Variants in FARP1 observed in about 807,000 individuals in gnomAD.
FARP1 encodes the protein FERM, ARHGEF and pleckstrin domain-containing protein 1.
A neutral mutation model predicts 128.8 loss-of-function variants in FARP1; 52 were observed. The observed-to-expected ratio is 0.40, with a 90% CI of 0.32 to 0.51. The LOEUF (loss-of-function observed/expected upper bound fraction) is 0.51. Ranked by LOEUF, FARP1 falls within the 20% of genes least tolerant of loss-of-function variation. The pLI is 0.45. For missense variants in FARP1, 1,333 were observed against 1,367.9 expected (o/e 0.97, Z 0.40); for synonymous variants, 580 against 551.8 (o/e 1.05, Z -0.72).
chr13:98,347,213 A>G (rs1290250430), intron 3 of FARP1, among the ~76,000 whole-genome samples: 1 of 152,234 alleles, frequency 6.6e-6, no homozygotes, highest in Non-Finnish European at 1.5e-5. Context: ...CAAAAGCATT[A>G]TTTATGGAAA....
rs1282493893 is a variant in FARP1, at chr13:98,267,971, A to C, written c.171+54558A>C. On this transcript the variant is annotated intron_variant, in intron 2 of 26. Coordinates refer to ENST00000319562, the MANE Select transcript of FARP1 (RefSeq NM_005766.4). ...TCTAAAATTGTGGTAGAGTACACAT[A>C]ACATACAATTTATCATCTTCACCAT... Among the ~76,000 whole-genome samples the C allele has an allele frequency of 3.3e-5, 5 of 152,360 alleles. No individual in the cohort carries two copies. The East Asian group carries it at 9.6e-4, about 29-fold the overall frequency.
chr13:98,244,457 C>G (rs1288987848), intron 2 of FARP1: 2 of 1,587,658 alleles, frequency 1.3e-6, no homozygotes, highest in East Asian at 2.2e-5. Flanking sequence ...AGCGCCTTTT[C>G]AAGGGAGTAG....
intron 13 of FARP1, 131 bp downstream of exon 13, chr13:98,395,607 C>A: frequency 8.8e-7 from 1 of 1,139,698 alleles, no homozygotes; most frequent in Non-Finnish European, 1.2e-6. Context: ...GGTCCCGGTC[C>A]CAAACAAATG....
rs114102979 is a variant in FARP1, at chr13:98,176,675, G to A, written c.-24+33183G>A. On this transcript the variant is annotated intron_variant, in intron 1 of 26. Transcript: ENST00000319562. This position sits in a 1 kb window ranked among gnomAD's most constrained non-coding sequence, Gnocchi z 6.2. ...CAGATGTCAGGCTGGTAATCCCAGCGCACAGTGGCGCGCAGATGCCCTGGC... is the reference window on the plus strand; with the variant it reads ...CAGATGTCAGGCTGGTAATCCCAGCACACAGTGGCGCGCAGATGCCCTGGC... 6 of 1,614,070 alleles carry A rather than the reference G, an allele frequency of 3.7e-6. No homozygotes were observed. The highest frequency in any genetic ancestry group is 2.2e-5 in the East Asian group (1 of 44,880).
intron 16 of FARP1, among the ~76,000 whole-genome samples, chr13:98,421,444 C>T (rs1474228086): frequency 6.6e-6 from 1 of 152,170 alleles, no homozygotes; most frequent in Non-Finnish European, 1.5e-5. Flanking sequence ...CATTTCTTCT[C>T]CCGCAATCCA....
chr13:98,177,065 G>A (rs1247655717), intron 1 of FARP1: 2 of 1,596,322 alleles, frequency 1.3e-6, no homozygotes, highest in African/African-American at 2.7e-5. Flanking sequence ...CGCGGGGGCT[G>A]AGCCACTGTG....
chr13:98,363,392 G>A (rs529701870), intron 3 of FARP1, among the ~76,000 whole-genome samples: 1 of 152,274 alleles, frequency 6.6e-6, no homozygotes, highest in South Asian at 2.1e-4. Context: ...GCATATTGTG[G>A]TGTTTTGACA....
intron 1 of FARP1, among the ~76,000 whole-genome samples, chr13:98,194,170 G>A (rs769376607): frequency 5.9e-5 from 9 of 151,912 alleles, no homozygotes; most frequent in Non-Finnish European, 1.2e-4. Flanking sequence ...AGGCTGGAGC[G>A]CAATGGCACA....
intron 2 of FARP1, among the ~76,000 whole-genome samples, chr13:98,319,831 C>CAGTT (rs1420646887): frequency 1.3e-5 from 2 of 151,776 alleles, no homozygotes; most frequent in Admixed American, 6.6e-5. Flanking sequence ...TGGATACCTA[C>CAGTT]AGTTGCTGGG....
rs577944563 is a variant in FARP1 at position 98,219,812 on chromosome 13, C to T, written c.171+6399C>T. Among the ~76,000 whole-genome samples the T allele has an allele frequency of 2.0e-5, 3 of 152,132 alleles. No homozygotes were observed. In the East Asian group the frequency reaches 5.8e-4, roughly 30 times the overall value. ...CCCCTAGTTGCTGAGACTACAGGCA[C>T]GCATCACCACACCTAGCTATTTTTT... On this transcript the variant is annotated intron_variant, in intron 2 of 26. Transcript: ENST00000319562.
In FARP1 at chr13:98,176,186, CA is replaced by C; in HGVS notation, c.-24+32701del. 5.0e-6 allele frequency: 8 copies of C among 1,610,210 alleles called. No homozygotes were observed. Among genetic ancestry groups the C allele is most frequent in the South Asian group, 2.2e-5 (2 of 90,714 alleles). ...TCTTATCTCTTTTTTCCTAAAAGAA[CA>C]AAAAAATTTATTTAAATGTGAGAAT... is the stretch of plus-strand genomic sequence containing the variant. On this transcript the variant is annotated intron_variant, in intron 1 of 26. Transcript: ENST00000319562. This position sits in a 1 kb window ranked among gnomAD's most constrained non-coding sequence, Gnocchi z 6.2.
chr13:98,230,212 A>G (rs1057477195), intron 2 of FARP1, among the ~76,000 whole-genome samples: 1 of 152,242 alleles, frequency 6.6e-6, no homozygotes, highest in African/African-American at 2.4e-5. Flanking sequence ...TTAACATTAC[A>G]ACTTTGAGTA....
At chr13:98,185,646 G>GTT (rs5806052) in intron 1 of FARP1, among the ~76,000 whole-genome samples, 33 of 145,338 alleles carry the variant, frequency 2.3e-4, no homozygotes, top group African/African-American at 8.3e-4. Context: ...CTGATAATTA[G>GTT]TTTTTTTTTT....
intron 1 of FARP1, 27 bp from the exon 2 acceptor site, chr13:98,213,193 G>A (rs780934658): frequency 1.6e-5 from 26 of 1,583,744 alleles, no homozygotes; most frequent in Non-Finnish European, 2.2e-5. Context: ...ATTCTGATGT[G>A]TTTTTCTTTC....
At chr13:98,446,306 C>T in intron 25 of FARP1, 101 bp downstream of exon 25, 2 of 741,434 alleles carry the variant, frequency 2.7e-6, no homozygotes, top group East Asian at 5.1e-5. Flanking sequence ...CTCTTGGGCT[C>T]CAGGTGTCAC....
chr13:98,192,610 C>G (rs543357638), intron 1 of FARP1, among the ~76,000 whole-genome samples: 21 of 151,912 alleles, frequency 1.4e-4, no homozygotes, highest in Non-Finnish European at 2.6e-4. Flanking sequence ...AGGCTGGTCT[C>G]CAACTCCTGA....
intron 2 of FARP1, among the ~76,000 whole-genome samples, chr13:98,302,161 G>A (rs1332714019): frequency 1.3e-5 from 2 of 152,172 alleles, no homozygotes; most frequent in Non-Finnish European, 2.9e-5. Context: ...GGGCCACCAA[G>A]TTAGCTGTTA....
chr13:98,268,618 C>A (rs1385653804), intron 2 of FARP1, among the ~76,000 whole-genome samples: 4 of 152,158 alleles, frequency 2.6e-5, no homozygotes, highest in Admixed American at 2.6e-4. Flanking sequence ...CAGGCGCCCA[C>A]CAACACGCCC....
chr13:98,218,004 G>A (rs914548265), intron 2 of FARP1, among the ~76,000 whole-genome samples: 1 of 152,076 alleles, frequency 6.6e-6, no homozygotes, highest in African/African-American at 2.4e-5. Flanking sequence ...AGTCCGGCCC[G>A]CCAGACCCTC....
Sources: allele counts gnomAD v4.1 joint callset (sites outside exome capture counted in the v4.1 genomes callset), GRCh38; gene constraint gnomAD v4.1.1; non-coding constraint Gnocchi (gnomAD v3.1); transcripts MANE v1.5; gene names NCBI Gene and HGNC (gene_info 2026-07-23, HGNC 2026-07-21).